The following SLC41A1 variants were observed in gnomAD, a reference collection of about 807,000 sequenced individuals.
SLC41A1 encodes the protein solute carrier family 41 member 1.
SLC41A1 carries 20 observed loss-of-function variants against 47.3 expected under a neutral mutation model. The ratio of observed to expected loss-of-function variants is 0.42; its 90% CI spans 0.30 to 0.61. SLC41A1 has a LOEUF of 0.61. Ranked by LOEUF, SLC41A1 falls within the 20% of genes least tolerant of loss-of-function variation. The pLI, the probability that SLC41A1 is intolerant of heterozygous loss-of-function variation, is 0.17. For synonymous variants in SLC41A1, 282 were observed against 272.7 expected, an observed-to-expected ratio of 1.03 and a Z score of -0.34; for missense variants, 504 against 674.1, an observed-to-expected ratio of 0.75 and a Z score of 2.79.
chr1:205,800,132 C>A (rs572663194), intron 3 of SLC41A1, among the ~76,000 whole-genome samples: 1 of 152,220 alleles, frequency 6.6e-6, no homozygotes, highest in South Asian at 2.1e-4. Context: ...CTTATCTGGG[C>A]AGCCCATTCC....
chr1:205,793,889 A>T (rs983497129), intron 10 of SLC41A1, among the ~76,000 whole-genome samples: 2 of 152,252 alleles, frequency 1.3e-5, no homozygotes, highest in African/African-American at 4.8e-5. Flanking sequence ...AGAGAAACAG[A>T]TGGCTGTGAA....
chr1:205,801,940 G>A (rs767618770), intron 2 of SLC41A1, among the ~76,000 whole-genome samples: 1 of 152,162 alleles, frequency 6.6e-6, no homozygotes, highest in African/African-American at 2.4e-5. Flanking sequence ...GAGTAAACTG[G>A]GGTTCAGACA....
At chr1:205,811,809 GT>G (rs1656162862) in intron 1 of SLC41A1, among the ~76,000 whole-genome samples, 3 of 152,104 alleles carry the variant, frequency 2.0e-5, no homozygotes. Flanking sequence ...GTCTCTCCCC[GT>G]CTCCCCCTGC....
chr1:205,799,673 G>A lies in SLC41A1; in HGVS notation c.552+86C>T, dbSNP rs531751558. Reference sequence around the variant, plus strand: ...AGTGGGATACTGGAGATTCACTCAGGAGCCTGCTGGGGCTGACCTAAGCCT... The same window carrying A: ...AGTGGGATACTGGAGATTCACTCAGAAGCCTGCTGGGGCTGACCTAAGCCT... On this transcript the variant is annotated intron_variant, in intron 4 of 10. Coordinates refer to ENST00000367137, the MANE Select transcript of SLC41A1 (RefSeq NM_173854.6). 41 of 1,428,688 alleles carry A rather than the reference G, an allele frequency of 2.9e-5. No individual in the cohort carries two copies. In the South Asian group the frequency reaches 4.8e-4, roughly 17 times the overall value. The allele number at this position is 1,428,688 out of a possible 1,614,324, so 88.5% of individuals were successfully genotyped here.
At chr1:205,795,610 C>T in intron 8 of SLC41A1, 132 bp from the exon 9 acceptor site, 1 of 1,151,696 alleles carries the variant, frequency 8.7e-7, no homozygotes, top group Non-Finnish European at 1.3e-6. Flanking sequence ...TCTATGTGGG[C>T]ATCACCCATT....
chr1:205,808,619 G>T (rs1271228006), intron 2 of SLC41A1, among the ~76,000 whole-genome samples: 11 of 152,208 alleles, frequency 7.2e-5, no homozygotes, highest in African/African-American at 2.7e-4. Context: ...TGTTACCCTA[G>T]TCTCTTTCTC....
chr1:205,810,645 G>T lies in SLC41A1; in HGVS notation c.-204C>A. 1.4e-6 allele frequency: 1 copy of T among 724,864 alleles called. No individual in the cohort carries two copies. The allele number at this position is 724,864 out of a possible 1,614,324, so 44.9% of individuals were successfully genotyped here. On this transcript the variant is annotated 5_prime_UTR_variant, in exon 2 of 11. Transcript: ENST00000367137. The surrounding 1 kb of genome is among the most constrained non-coding windows in gnomAD (Gnocchi z 5.5). ...GCCCCATCAAGCACTGAAGCCGCAA[G>T]CTGGGAAGAAACAAGAAATTCCTCA... is the stretch of plus-strand genomic sequence containing the variant.
At chr1:205,811,479 G>A (rs965157291) in intron 1 of SLC41A1, among the ~76,000 whole-genome samples, 1 of 152,166 alleles carries the variant, frequency 6.6e-6, no homozygotes, top group Non-Finnish European at 1.5e-5. Flanking sequence ...TATTTAAGTG[G>A]GGTTCAGTTA....
chr1:205,794,818 C>T, intron 10 of SLC41A1, 52 bp downstream of exon 10: 3 of 1,610,470 alleles, frequency 1.9e-6, no homozygotes, highest in Admixed American at 1.7e-5. Flanking sequence ...CTCTCCCATC[C>T]CTGCAGGGCA....
chr1:205,812,851 G>C lies in SLC41A1; in HGVS notation c.-690C>G. On this transcript the variant is annotated 5_prime_UTR_variant, in exon 1 of 11. Transcript: ENST00000367137. ...GAAGGGGGGCGCCTGGCAAGTGGCA[G>C]CGTGGCCCGTGGTCTCGGGGGGTGC... 3 of 985,340 alleles carry C rather than the reference G, an allele frequency of 3.0e-6. No individual in the cohort carries two copies. The highest frequency in any genetic ancestry group is 3.6e-6 in the Non-Finnish European group (3 of 829,932). The allele number at this position is 985,340 out of a possible 1,614,324, so 61.0% of individuals were successfully genotyped here. A position where few individuals can be genotyped will look rare whatever the true frequency, so the allele number is the denominator to read the frequency against.
Position 205,810,271 on chromosome 1 carries a change from G to C in SLC41A1, c.171C>G (p.Ala57=). 6.2e-7 allele frequency: 1 copy of C among 1,614,152 alleles called. No homozygotes were observed. Among genetic ancestry groups the C allele is most frequent in the Non-Finnish European group, 8.5e-7 (1 of 1,180,024 alleles). Reference sequence around the variant, plus strand: ...GGGCGTCCTCCTCCCGAACCCCCTTGGCGTTGGCCCGAGACTCAATCACCA... The same window carrying C: ...GGGCGTCCTCCTCCCGAACCCCCTTCGCGTTGGCCCGAGACTCAATCACCA... ...VEVVIESRAN[A]KGVREEDALL... The change falls in exon 2 of 11, where the codon GCC becomes GCG. Residue 57 remains alanine, a synonymous_variant. Coordinates refer to ENST00000367137, the MANE Select transcript of SLC41A1 (RefSeq NM_173854.6). This position sits in a 1 kb window ranked among gnomAD's most constrained non-coding sequence, Gnocchi z 5.5.
Position 205,791,744 on chromosome 1 carries a change from A to G in SLC41A1, c.1357-26T>C, listed in dbSNP as rs1357347184. ...CTGGGGAGACAAAAGGGCCCAGCCT[A>G]TAGCCATCCTCTCTCTCCAGGGGGA... On this transcript the variant is annotated intron_variant, in intron 10 of 10. Transcript: ENST00000367137. This position sits in a 1 kb window ranked among gnomAD's most constrained non-coding sequence, Gnocchi z 4.0. The G allele has an allele frequency of 1.2e-6, 2 of 1,611,384 alleles. No individual in the cohort carries two copies. Among genetic ancestry groups the G allele is most frequent in the South Asian group, 1.1e-5 (1 of 90,794 alleles).
At position 205,794,975 on chromosome 1, in the gene SLC41A1, G is replaced by C; in HGVS notation, c.1251C>G (p.Val417=). ...TGTAGAGGAACACCAGGTGTCCTGG[G>C]ACCACGAGGAGGAAGAGGACCCGGG... ...RSARVLFLLV[V]PGHLVFLYTI... The change falls in exon 10 of 11, where the codon GTC becomes GTG. Residue 417 remains valine, a synonymous_variant. Coordinates refer to ENST00000367137, the MANE Select transcript of SLC41A1 (RefSeq NM_173854.6). 6.2e-7 allele frequency: 1 copy of C among 1,614,076 alleles called. No individual in the cohort carries two copies. Among genetic ancestry groups the C allele is most frequent in the Non-Finnish European group, 8.5e-7 (1 of 1,180,008 alleles).
At chr1:205,800,699 GC>G (rs1655858996) in intron 3 of SLC41A1, among the ~76,000 whole-genome samples, 1 of 152,130 alleles carries the variant, frequency 6.6e-6, no homozygotes. Context: ...AGGGGGTGGG[GC>G]AGGAGTCCAG....
chr1:205,794,748 T>C, intron 10 of SLC41A1, 122 bp downstream of exon 10: 1 of 1,328,546 alleles, frequency 7.5e-7, no homozygotes, highest in Non-Finnish European at 1.1e-6. Context: ...CTGGTGTTTA[T>C]CAGCTGCCCT....
chr1:205,796,103 A>C (rs575156951), intron 8 of SLC41A1: 13 of 161,450 alleles, frequency 8.1e-5, no homozygotes, highest in Non-Finnish European at 1.6e-4. Flanking sequence ...TGCATTACCC[A>C]GTCTCCCTTG....
intron 8 of SLC41A1, chr1:205,795,899 G>A (rs548617674): frequency 3.1e-6 from 1 of 318,680 alleles, no homozygotes; most frequent in African/African-American, 2.1e-5. Context: ...CCAATGCTCT[G>A]AGCAGACCCA....
At chr1:205,808,935 T>C (rs890681524) in intron 2 of SLC41A1, among the ~76,000 whole-genome samples, 1 of 152,216 alleles carries the variant, frequency 6.6e-6, no homozygotes, top group Non-Finnish European at 1.5e-5. Flanking sequence ...CAGAACTCTA[T>C]ATCACTATGG....
intron 2 of SLC41A1, among the ~76,000 whole-genome samples, chr1:205,805,222 ACT>A (rs2102508704): frequency 6.6e-6 from 1 of 152,304 alleles, no homozygotes; most frequent in Admixed American, 6.5e-5. Flanking sequence ...CCGAGTTGGC[ACT>A]TGGGTCAGAG....
Sources: gnomAD v4.1 joint callset for allele counts (sites outside exome capture counted in the v4.1 genomes callset) on GRCh38, gnomAD v4.1.1 for gene constraint, Gnocchi (gnomAD v3.1) non-coding constraint, MANE v1.5 for transcripts, NCBI Gene and HGNC (gene_info 2026-07-23, HGNC 2026-07-21) for gene names.